The following PHEX variants were observed in gnomAD, a reference collection of about 807,000 sequenced individuals.
PHEX encodes the protein phosphate regulating endopeptidase X-linked.
A neutral mutation model predicts 68.0 loss-of-function variants in PHEX; 16 were observed. That is an observed-to-expected ratio of 0.24 (90% CI 0.16 to 0.36). PHEX has a LOEUF of 0.36. Among genes scored for constraint, PHEX ranks in the 10% least tolerant of loss-of-function variants. The probability of loss-of-function intolerance (pLI) is 1.00; values close to 1 mark genes in which losing one functional copy is unlikely to be tolerated. For synonymous variants in PHEX, 208 were observed against 205.1 expected (o/e 1.01, Z -0.12); for missense variants, 480 against 575.5 (o/e 0.83, Z 1.70).
intron 20 of PHEX, among the ~76,000 whole-genome samples, chrX:22,235,303 AGTTCTTCTC>A (rs1410718886): frequency 8.9e-6 from 1 of 111,932 alleles, no homozygotes; most frequent in Non-Finnish European, 1.9e-5. Context: ...GCCATCTTCT[AGTTCTTCTC>A]GATGTTTCAT....
intron 17 of PHEX, 67 bp from the exon 18 acceptor site, chrX:22,221,546 G>C: frequency 9.9e-7 from 1 of 1,008,223 alleles, no homozygotes; most frequent in East Asian, 3.1e-5. Flanking sequence ...GTCGAGGTGA[G>C]GGAAAGGAAA....
At chrX:22,227,450 G>A (rs1935544505) in intron 19 of PHEX, 57 bp from the exon 20 acceptor site, 7 of 786,837 alleles carry the variant, frequency 8.9e-6, no homozygotes, top group Non-Finnish European at 1.4e-5. Context: ...TGTGCTAGCT[G>A]AGCAAAGAGA....
At chrX:22,132,899 T>C (rs1932074852) in intron 11 of PHEX, among the ~76,000 whole-genome samples, 2 of 110,553 alleles carry the variant, frequency 1.8e-5, no homozygotes, top group Non-Finnish European at 3.8e-5. Flanking sequence ...TGTTTTTTAT[T>C]TTTTGGAGAC....
intron 9 of PHEX, among the ~76,000 whole-genome samples, chrX:22,108,414 A>C (rs1245349600): frequency 9.0e-6 from 1 of 111,468 alleles, no homozygotes; most frequent in Non-Finnish European, 1.9e-5. Context: ...TCCAGTGTAC[A>C]TTACTTGGGT....
chrX:22,242,634 A>G (rs1387224118), intron 20 of PHEX, among the ~76,000 whole-genome samples: 3 of 111,737 alleles, frequency 2.7e-5, no homozygotes, highest in Non-Finnish European at 5.6e-5. Flanking sequence ...TACACCAATA[A>G]CAGACAAACA....
At position 22,184,805 on chromosome X, in the gene PHEX, T is replaced by C. The variant is rs191675079; in HGVS notation, c.1587-5639T>C. On this transcript the variant is annotated intron_variant, in intron 14 of 21. Transcript: ENST00000379374. ...AAACACGTCTGAATTCTCTATCTTT[T>C]GAAAAATATGTAAAAATGCATTAAA... 4.9e-4 allele frequency among the ~76,000 whole-genome samples: 55 copies of C among 112,348 alleles called. 1 individual carries two copies. Among genetic ancestry groups the C allele is most frequent in the African/African-American group, 1.7e-3 (53 of 31,032 alleles).
rs1204425431 is a variant in PHEX, at chrX:22,106,013, T to C, written c.1080-5454T>C. 7.1e-5 allele frequency among the ~76,000 whole-genome samples: 8 copies of C among 112,162 alleles called. No individual in the cohort carries two copies. The South Asian group carries it at 2.6e-3, about 36-fold the overall frequency. Reference sequence around the variant, plus strand: ...CTTTGTGGTGGGTGCTCTTTTGAGATGCTTTGCCTTTCTCTGTTTGATTTA... The same window carrying C: ...CTTTGTGGTGGGTGCTCTTTTGAGACGCTTTGCCTTTCTCTGTTTGATTTA... On this transcript the variant is annotated intron_variant, in intron 9 of 21. Coordinates refer to ENST00000379374, the MANE Select transcript of PHEX (RefSeq NM_000444.6).
In PHEX at chrX:22,099,073, G is replaced by A; in HGVS notation, c.1001G>A (p.Ser334Asn). The A allele has an allele frequency of 8.3e-7, 1 of 1,206,095 alleles. No homozygotes were observed. The highest frequency in any genetic ancestry group is 1.1e-6 in the Non-Finnish European group (1 of 890,752). ...TRLYPHLKDI[S>N]PSENVVVRVP... ...CTCTACCCCCATCTGAAAGACATCA[G>A]CCCCTCCGAGAATGTGGTGGTCCGC... The change falls in exon 9 of 22, where the codon AGC (serine) becomes AAC (asparagine). Residue 334 changes from serine to asparagine, a missense_variant. Coordinates refer to ENST00000379374, the MANE Select transcript of PHEX (RefSeq NM_000444.6).
intron 11 of PHEX, among the ~76,000 whole-genome samples, chrX:22,128,056 C>A (rs1260134209): frequency 9.0e-6 from 1 of 111,711 alleles, no homozygotes; most frequent in African/African-American, 3.3e-5. Flanking sequence ...CTTTGAAAAC[C>A]TTTTCTTATT....
intron 12 of PHEX, among the ~76,000 whole-genome samples, chrX:22,148,244 C>T (rs1347459561): frequency 9.0e-6 from 1 of 110,900 alleles, no homozygotes; most frequent in Admixed American, 9.7e-5. Context: ...CCTCATGTGG[C>T]TTTCTCAACA....
At chrX:22,191,266 G>C (rs1028793319) in intron 15 of PHEX, among the ~76,000 whole-genome samples, 1 of 111,932 alleles carries the variant, frequency 8.9e-6, no homozygotes, top group Non-Finnish European at 1.9e-5. Context: ...GGCCTCAAGT[G>C]ATCTGCCCAC....
chrX:22,032,946 G>C lies in PHEX; in HGVS notation c.-60G>C, dbSNP rs1324781375. ...TTGGATGTCAACGCCTCGCTCTTGA[G>C]ACCAGCCACCAAACCACGAAAAGTG... is the stretch of plus-strand genomic sequence containing the variant. On this transcript the variant is annotated 5_prime_UTR_variant, in exon 1 of 22. Coordinates refer to ENST00000379374, the MANE Select transcript of PHEX (RefSeq NM_000444.6). The C allele has an allele frequency of 1.1e-6, 1 of 890,594 alleles. No homozygotes were observed. The highest frequency in any genetic ancestry group is 2.2e-5 in the Admixed American group (1 of 45,219). The allele number at this position is 890,594 out of a possible 1,213,427, so 73.4% of individuals were successfully genotyped here. A position where few individuals can be genotyped will look rare whatever the true frequency, so the allele number is the denominator to read the frequency against.
chrX:22,187,211 G>A (rs1438949273), intron 14 of PHEX, among the ~76,000 whole-genome samples: 2 of 111,828 alleles, frequency 1.8e-5, no homozygotes, highest in Non-Finnish European at 1.9e-5. Context: ...TCAGCCGGCT[G>A]GGCTCTTATG....
chrX:22,136,789 A>T (rs1402690010), intron 12 of PHEX, among the ~76,000 whole-genome samples: 8 of 111,811 alleles, frequency 7.2e-5, no homozygotes, highest in Non-Finnish European at 1.5e-4. Context: ...TCACTGTAAA[A>T]GATAAATGAG....
intron 20 of PHEX, among the ~76,000 whole-genome samples, chrX:22,239,792 A>G (rs990808538): frequency 1.8e-5 from 2 of 111,740 alleles, no homozygotes; most frequent in Non-Finnish European, 3.8e-5. Flanking sequence ...GACGGGGAGA[A>G]TGGAACCAAG....
At chrX:22,070,791 G>A (rs902372332) in intron 3 of PHEX, among the ~76,000 whole-genome samples, 1 of 112,076 alleles carries the variant, frequency 8.9e-6, no homozygotes, top group African/African-American at 3.2e-5. Flanking sequence ...AAATATTGCA[G>A]GGTCAGGAGA....
intron 12 of PHEX, among the ~76,000 whole-genome samples, chrX:22,134,666 G>A (rs1002793): frequency 0.35 from 38,698 of 111,712 alleles, 4,898 homozygotes; most frequent in Middle Eastern, 0.43. Context: ...TCAAGTGGGT[G>A]GAGCATACCT....
chrX:22,099,504 C>T (rs1602293071), intron 9 of PHEX: 1 of 179,477 alleles, frequency 5.6e-6, no homozygotes, highest in Non-Finnish European at 1.0e-5. Flanking sequence ...CAATCTTTTG[C>T]TGCTTTTTTT....
intron 5 of PHEX, among the ~76,000 whole-genome samples, chrX:22,087,006 T>C (rs1929654257): frequency 8.9e-6 from 1 of 112,303 alleles, no homozygotes; most frequent in African/African-American, 3.2e-5. Flanking sequence ...TTTGTATGTT[T>C]CTAATGAGAT....
Sources: gnomAD v4.1 joint callset for allele counts (sites outside exome capture counted in the v4.1 genomes callset) on GRCh38, gnomAD v4.1.1 for gene constraint, MANE v1.5 for transcripts, NCBI Gene and HGNC (gene_info 2026-07-23, HGNC 2026-07-21) for gene names.